Variants in KIF23 observed in about 807,000 individuals in gnomAD.
The protein encoded by KIF23 is kinesin family member 23.
In KIF23, 30 loss-of-function variants were observed where a neutral mutation model predicts 137.5. The ratio of observed to expected loss-of-function variants is 0.22; its 90% CI spans 0.16 to 0.30. KIF23 has a LOEUF of 0.30. Ranked by LOEUF, KIF23 falls within the 10% of genes least tolerant of loss-of-function variation. The probability of loss-of-function intolerance (pLI) is 1.00; values close to 1 mark genes in which losing one functional copy is unlikely to be tolerated. For missense variants in KIF23, 920 were observed against 1,194.3 expected, an observed-to-expected ratio of 0.77 and a Z score of 3.38; for synonymous variants, 367 against 391.1, an observed-to-expected ratio of 0.94 and a Z score of 0.73.
rs3834542 is a variant in KIF23, at chr15:69,417,296, T to TTGAA, written c.82-71_82-68dup. 3,126 of 1,260,266 alleles carry TTGAA rather than the reference T, an allele frequency of 2.5e-3. 90 individuals are homozygous for TTGAA. In the East Asian group the frequency reaches 0.068, roughly 27 times the overall value. The allele number at this position is 1,260,266 out of a possible 1,614,324, so 78.1% of individuals were successfully genotyped here. A position where few individuals can be genotyped will look rare whatever the true frequency, so the allele number is the denominator to read the frequency against. The stretch of plus-strand genomic sequence containing the variant: ...CTTAAATTGAGAGACTGAATGTTTG[T>TTGAA]TGAATGAATGAATGAATGAGAAGCT... On this transcript the variant is annotated intron_variant, in intron 2 of 23. Coordinates refer to ENST00000679126, the MANE Select transcript of KIF23 (RefSeq NM_001367805.3).
chr15:69,442,048 C>T (rs2057633910), intron 19 of KIF23, among the ~76,000 whole-genome samples: 1 of 152,220 alleles, frequency 6.6e-6, no homozygotes, highest in Non-Finnish European at 1.5e-5. Flanking sequence ...AGGCAAGCCA[C>T]TGCACCAGCC....
At chr15:69,436,834 A>C in intron 15 of KIF23, 112 bp downstream of exon 15, 1 of 588,738 alleles carries the variant, frequency 1.7e-6, no homozygotes, top group Middle Eastern at 5.0e-4. Flanking sequence ...GGTTCACTGC[A>C]ACCTCCGCCT....
At chr15:69,445,427 C>T (rs934024969) in intron 20 of KIF23, among the ~76,000 whole-genome samples, 6 of 151,882 alleles carry the variant, frequency 4.0e-5, no homozygotes, top group Non-Finnish European at 5.9e-5. Flanking sequence ...AAATTTGACC[C>T]GTCAAAATTA....
At position 69,446,050 on chromosome 15, in the gene KIF23, G is replaced by A; in HGVS notation, c.2715G>A (p.Gln905=). 6.2e-7 allele frequency: 1 copy of A among 1,613,846 alleles called. No homozygotes were observed. Among genetic ancestry groups the A allele is most frequent in the Non-Finnish European group, 8.5e-7 (1 of 1,179,806 alleles). The change falls in exon 21 of 24, where the codon CAG becomes CAA. Residue 905 remains glutamine, a synonymous_variant. Transcript: ENST00000679126. ...YKTRGGGQSV[Q]FTDIETLKQE... Reference sequence around the variant, plus strand: ...CAAGGGGTGGTGGACAATCTGTTCAGTTTACTGATATTGAGACTTTAAAGC... The same window carrying A: ...CAAGGGGTGGTGGACAATCTGTTCAATTTACTGATATTGAGACTTTAAAGC...
chr15:69,416,606 G>T (rs73426056), intron 2 of KIF23, among the ~76,000 whole-genome samples: 7,974 of 152,206 alleles, frequency 0.052, 210 homozygotes, highest in East Asian at 0.084. Flanking sequence ...AGGGAACCGG[G>T]TGCTTTGCAC....
intron 11 of KIF23, chr15:69,435,176 A>G: frequency 2.1e-6 from 1 of 476,152 alleles, no homozygotes; most frequent in Non-Finnish European, 3.7e-6. Flanking sequence ...TCTCTATATA[A>G]GATATTCCTT....
Position 69,446,491 on chromosome 15 carries a change from T to C in KIF23, c.2838+127T>C, listed in dbSNP as rs552733550. 1.9e-5 allele frequency: 13 copies of C among 694,916 alleles called. 1 individual carries two copies. Among genetic ancestry groups the C allele is most frequent in the South Asian group, 1.5e-4 (8 of 54,378 alleles). 43.0% of individuals were successfully genotyped at this position (694,916 alleles called of 1,614,324 possible). On this transcript the variant is annotated intron_variant, in intron 22 of 23. Transcript: ENST00000679126. ...ATAATCTCACATTGCCAGTGCACCA[T>C]GTAGGCCTATTCCTAGAATAACAAG... is the stretch of plus-strand genomic sequence containing the variant.
rs763699866 is a variant in KIF23 at position 69,422,099 on chromosome 15, A to G, written c.424A>G (p.Ser142Gly). The G allele has an allele frequency of 5.0e-6, 8 of 1,614,138 alleles. No homozygotes were observed. The highest frequency in any genetic ancestry group is 1.1e-5 in the South Asian group (1 of 91,070). ...TCGTTGTTTGGACATGATCTTTAAC[A>G]GTATAGGGTCATTTCAAGCTAAACG... Reference protein sequence around the residue: ...LPRCLDMIFNSIGSFQAKRYV... With the variant: ...LPRCLDMIFNGIGSFQAKRYV... The change falls in exon 5 of 24, where the codon AGT becomes GGT. Residue 142 changes from serine to glycine, a missense_variant. Ser to Gly is a moderately conservative substitution (Grantham distance 56, BLOSUM62 0). Around this residue, in one of 4 missense-constraint regions of KIF23, gnomAD observed 714 missense variants for 866.2 expected, o/e 0.82. Coordinates refer to ENST00000679126, the MANE Select transcript of KIF23 (RefSeq NM_001367805.3).
chr15:69,444,465 A>G lies in KIF23; in HGVS notation c.2422-325A>G. ...TAGATTACCTCTCAATAGCAGGGAT[A>G]AATATTGGTTTTTGATCAAGAATAT... On this transcript the variant is annotated intron_variant, in intron 19 of 23. Coordinates refer to ENST00000679126, the MANE Select transcript of KIF23 (RefSeq NM_001367805.3). This position sits in a 1 kb window ranked among gnomAD's most constrained non-coding sequence, Gnocchi z 4.2. The G allele has an allele frequency of 4.0e-6, 1 of 251,022 alleles. No homozygotes were observed. The highest frequency in any genetic ancestry group is 7.7e-6 in the Non-Finnish European group (1 of 130,140). 15.5% of individuals were successfully genotyped at this position (251,022 alleles called of 1,614,324 possible).
intron 11 of KIF23, 132 bp downstream of exon 11, chr15:69,429,345 C>T (rs1332368606): frequency 2.2e-5 from 14 of 649,834 alleles, no homozygotes; most frequent in Non-Finnish European, 3.7e-5. Flanking sequence ...TACTCTGTTA[C>T]CCAGGATGGA....
At chr15:69,428,681 A>C (rs1159889581) in intron 10 of KIF23, among the ~76,000 whole-genome samples, 8 of 151,728 alleles carry the variant, frequency 5.3e-5, no homozygotes, top group East Asian at 3.9e-4. Flanking sequence ...AAAAAAAAAA[A>C]AAAACAAAAG....
At chr15:69,424,521 C>T (rs1419371496) in intron 7 of KIF23, among the ~76,000 whole-genome samples, 1 of 152,072 alleles carries the variant, frequency 6.6e-6, no homozygotes, top group African/African-American at 2.4e-5. Flanking sequence ...CCTTGTGAGA[C>T]AGTTACTTTT....
chr15:69,445,076 AT>A (rs759668951), intron 20 of KIF23, 35 bp downstream of exon 20: 2 of 1,569,332 alleles, frequency 1.3e-6, no homozygotes. Context: ...AAAAAAATAT[AT>A]TTAAAAATTC....
chr15:69,434,998 C>G, intron 11 of KIF23: 1 of 610,176 alleles, frequency 1.6e-6, no homozygotes, highest in Non-Finnish European at 2.9e-6. Context: ...AGAAACAGCA[C>G]GGACTCGCTC....
At position 69,448,421 on chromosome 15, in the gene KIF23, A is replaced by G. The variant is rs960224584; in HGVS notation, c.*614A>G. On this transcript the variant is annotated 3_prime_UTR_variant, in exon 24 of 24. Coordinates refer to ENST00000679126, the MANE Select transcript of KIF23 (RefSeq NM_001367805.3). ...AAGAATTAAAATCAAAAGCACTAAG[A>G]AATACATAGTTGTGTGATGGCTGTT... 8 of 152,372 alleles carry G rather than the reference A, an allele frequency of 5.3e-5. No homozygotes were observed. Among genetic ancestry groups the G allele is most frequent in the African/African-American group, 1.9e-4 (8 of 41,466 alleles). The allele number at this position is 152,372 out of a possible 1,614,324, so 9.4% of individuals were successfully genotyped here. A position where few individuals can be genotyped will look rare whatever the true frequency, so the allele number is the denominator to read the frequency against.
chr15:69,417,546 A>T (rs768079172), intron 3 of KIF23, 35 bp downstream of exon 3: 1 of 1,592,850 alleles, frequency 6.3e-7, no homozygotes, highest in East Asian at 2.2e-5. Flanking sequence ...TTTTTACTCA[A>T]TATGTTGTTT....
intron 20 of KIF23, 100 bp downstream of exon 20, chr15:69,445,141 C>A: frequency 8.9e-7 from 1 of 1,123,638 alleles, no homozygotes. Flanking sequence ...GTAGTGTCAA[C>A]TGGAACATCA....
intron 10 of KIF23, 150 bp downstream of exon 10, chr15:69,426,607 G>C: frequency 1.3e-6 from 1 of 747,786 alleles, no homozygotes; most frequent in Non-Finnish European, 2.2e-6. Flanking sequence ...TGTAATCCCA[G>C]CTACTTGTGT....
chr15:69,439,721 T>C (rs2057568204), intron 16 of KIF23, among the ~76,000 whole-genome samples, 183 bp from the exon 17 acceptor site: 1 of 152,224 alleles, frequency 6.6e-6, no homozygotes. Context: ...GGAGCTTGTT[T>C]AACATGTTTT....
Sources: gnomAD v4.1 joint callset for allele counts (sites outside exome capture counted in the v4.1 genomes callset) on GRCh38, gnomAD v4.1.1 for gene constraint, gnomAD v4.1.1 regional missense constraint, Gnocchi (gnomAD v3.1) non-coding constraint, MANE v1.5 for transcripts, NCBI Gene and HGNC (gene_info 2026-07-23, HGNC 2026-07-21) for gene names.